Variants in ATAD3B observed in about 807,000 individuals in gnomAD.
ATAD3B encodes ATPase family AAA domain-containing protein 3B.
ATAD3B carries 59 observed loss-of-function variants against 70.2 expected under a neutral mutation model. That is an observed-to-expected ratio of 0.84 (90% CI 0.68 to 1.04). The LOEUF (loss-of-function observed/expected upper bound fraction) is 1.04, where lower values mean the gene tolerates loss of function less well. ATAD3B is among the 50% of genes least tolerant of loss of function. ATAD3B has a pLI of 0.00. For synonymous variants in ATAD3B, 423 were observed against 388.6 expected, an observed-to-expected ratio of 1.09 and a Z score of -1.04; for missense variants, 961 against 913.4, an observed-to-expected ratio of 1.05 and a Z score of -0.67.
intron 12 of ATAD3B, among the ~76,000 whole-genome samples, 193 bp from the exon 13 acceptor site, chr1:1,489,011 C>T (rs911371570): frequency 2.2e-4 from 33 of 151,898 alleles, no homozygotes; most frequent in Non-Finnish European, 1.2e-4. Flanking sequence ...GATCCGCCTG[C>T]CTCAGCCTCC....
chr1:1,502,702 G>A (rs1640971621), downstream of ATAD3B, among the ~76,000 whole-genome samples: 2 of 146,396 alleles, frequency 1.4e-5, no homozygotes, highest in South Asian at 2.2e-4. Flanking sequence ...AGTAGAGACC[G>A]GGTTTCACCA....
At chr1:1,486,956 G>A (rs1382919414) in intron 11 of ATAD3B, among the ~76,000 whole-genome samples, 1 of 151,188 alleles carries the variant, frequency 6.6e-6, no homozygotes, top group Non-Finnish European at 1.5e-5. Context: ...CTGCAGGGGA[G>A]GCTCCTCCAC....
rs375591496 is a variant in ATAD3B, at chr1:1,489,156, T to C, written c.1267-48T>C. 7 of 1,611,774 alleles carry C rather than the reference T, an allele frequency of 4.3e-6. No homozygotes were observed. The African/African-American group carries it at 5.3e-5, about 12-fold the overall frequency. ...TGTGGGACTTTCTGCTCTGGCTGTT[T>C]ACAAGGCTTTGCTTCTGGTGCCTAA... On this transcript the variant is annotated intron_variant, in intron 12 of 15. Transcript: ENST00000673477.
chr1:1,499,394 G>A (rs1463522936), downstream of ATAD3B, among the ~76,000 whole-genome samples: 4 of 142,816 alleles, frequency 2.8e-5, no homozygotes, highest in South Asian at 2.4e-4. Flanking sequence ...GTGCCACCAC[G>A]CCCAGCTACT....
chr1:1,488,362 A>T (rs1640349160), intron 12 of ATAD3B, among the ~76,000 whole-genome samples: 2 of 151,794 alleles, frequency 1.3e-5, no homozygotes, highest in Non-Finnish European at 2.9e-5. Context: ...AGAAGCTGGG[A>T]TTGCAGAGGC....
At chr1:1,475,207 A>G (rs1217690595) in intron 1 of ATAD3B, among the ~76,000 whole-genome samples, 2 of 149,426 alleles carry the variant, frequency 1.3e-5, no homozygotes, top group East Asian at 1.9e-4. Flanking sequence ...CAGGGTCTCC[A>G]GGTGCACCGT....
intron 8 of ATAD3B, 38 bp from the exon 9 acceptor site, chr1:1,485,744 C>A: frequency 6.2e-7 from 1 of 1,611,054 alleles, no homozygotes; most frequent in Non-Finnish European, 8.5e-7. Context: ...GTGGCTGTGG[C>A]AGGTGACCCA....
In ATAD3B at chr1:1,480,953, C is replaced by T. The variant is rs780161416; in HGVS notation, c.514+17C>T. On this transcript the variant is annotated intron_variant, in intron 5 of 15. Coordinates refer to ENST00000673477, the MANE Select transcript of ATAD3B (RefSeq NM_031921.6). ...TGCGGCGAGGTAGGCTGTCTGCTCT[C>T]CTGGCTGGGGCGGAGGTGGCGGGGG... is the stretch of plus-strand genomic sequence containing the variant. 4.4e-6 allele frequency: 7 copies of T among 1,589,408 alleles called. No homozygotes were observed. Among genetic ancestry groups the T allele is most frequent in the Non-Finnish European group, 6.0e-6 (7 of 1,171,182 alleles).
chr1:1,478,765 C>T lies in ATAD3B; in HGVS notation c.384+20C>T, dbSNP rs868413081. ...CAGGCCGTAAGAGCGCAAGAGGCCG[C>T]GAGGGAGGCCGCCCGGCTGCGGGGA... On this transcript the variant is annotated intron_variant, in intron 3 of 15. Coordinates refer to ENST00000673477, the MANE Select transcript of ATAD3B (RefSeq NM_031921.6). 26 of 1,483,226 alleles carry T rather than the reference C, an allele frequency of 1.8e-5. No homozygotes were observed. The highest frequency in any genetic ancestry group is 3.0e-5 in the African/African-American group (2 of 66,462). 91.9% of individuals were successfully genotyped at this position (1,483,226 alleles called of 1,614,324 possible).
chr1:1,509,333 C>T, the ATAD3B span: 62 of 1,611,574 alleles, frequency 3.8e-5, no homozygotes, highest in Admixed American at 1.8e-4. Flanking sequence ...GGCCCGAGGA[C>T]GAGCAACCCT....
intron 7 of ATAD3B, chr1:1,482,859 TG>T: frequency 1.6e-6 from 1 of 607,822 alleles, no homozygotes; most frequent in Non-Finnish European, 3.0e-6. Flanking sequence ...AAACATTAGC[TG>T]GGTGTGATGG....
At chr1:1,485,862 G>C in intron 9 of ATAD3B, 24 bp downstream of exon 9, 1 of 1,612,724 alleles carries the variant, frequency 6.2e-7, no homozygotes, top group Non-Finnish European at 8.5e-7. Context: ...CCTGGGACCG[G>C]GGAGGTGCAG....
chr1:1,472,135 G>A lies in ATAD3B; in HGVS notation c.205+46G>A, dbSNP rs1451803020. On this transcript the variant is annotated intron_variant, in intron 1 of 15. Coordinates refer to ENST00000673477, the MANE Select transcript of ATAD3B (RefSeq NM_031921.6). ...CGGGGCGGGCGGGCGGGCGGGACGG[G>A]CCGGGGAAGCGGGAGCCCTGGCCCT... 3.7e-5 allele frequency: 46 copies of A among 1,230,752 alleles called. No homozygotes were observed. The East Asian group carries it at 2.4e-3, about 65-fold the overall frequency. The allele number at this position is 1,230,752 out of a possible 1,614,324, so 76.2% of individuals were successfully genotyped here.
At position 1,486,144 on chromosome 1, in the gene ATAD3B, T is replaced by C. The variant is rs1640202741; in HGVS notation, c.998T>C (p.Ile333Thr). 8 of 1,613,208 alleles carry C rather than the reference T, an allele frequency of 5.0e-6. No individual in the cohort carries two copies. The highest frequency in any genetic ancestry group is 5.1e-6 in the Non-Finnish European group (6 of 1,179,638). Residue 333 changes from isoleucine to threonine, a missense_variant, in exon 10 of 16, where the codon ATA (isoleucine) becomes ACA (threonine). This residue lies in a region of ATAD3B where 349 missense variants were observed against 307.5 expected (regional missense o/e 1.14). Transcript: ENST00000673477. The part of the protein sequence containing the change: ...SLEARVRDIA[I>T]ATRNTKKNRG... ...GAAGCACGGGTGCGCGACATCGCCA[T>C]AGCAACCAGGAACACCAAGAAGAAC...
the ATAD3B span, among the ~76,000 whole-genome samples, chr1:1,505,474 C>G: frequency 6.6e-6 from 1 of 152,174 alleles, no homozygotes; most frequent in East Asian, 1.9e-4. Context: ...TGACCCTCCA[C>G]AAGAGGTGGA....
At position 1,480,789 on chromosome 1, in the gene ATAD3B, C is replaced by T. The variant is rs577830535; in HGVS notation, c.445-78C>T. The T allele has an allele frequency of 2.7e-5, 42 of 1,582,162 alleles. 5 individuals are homozygous for T. The highest frequency in any genetic ancestry group is 1.4e-4 in the African/African-American group (10 of 71,898). Reference sequence around the variant, plus strand: ...CGCTTGGAGTTCTGTGGTCCTGGGGCGGACGCAACCTCTGGATTGGTGTTG... The same window carrying T: ...CGCTTGGAGTTCTGTGGTCCTGGGGTGGACGCAACCTCTGGATTGGTGTTG... On this transcript the variant is annotated intron_variant, in intron 4 of 15. Coordinates refer to ENST00000673477, the MANE Select transcript of ATAD3B (RefSeq NM_031921.6).
At chr1:1,508,466 G>A in the ATAD3B span, among the ~76,000 whole-genome samples, 14 of 151,400 alleles carry the variant, frequency 9.2e-5, no homozygotes, top group Admixed American at 2.6e-4. Flanking sequence ...TCAGCTGTCC[G>A]GGAAGGGTCC....
chr1:1,482,977 G>A, intron 7 of ATAD3B: 1 of 473,212 alleles, frequency 2.1e-6, no homozygotes, highest in South Asian at 1.5e-5. Flanking sequence ...CTCCATTCTT[G>A]GCGAGAGAAT....
At chr1:1,490,079 G>T in intron 13 of ATAD3B, 178 bp from the exon 14 acceptor site, 1 of 1,420,492 alleles carries the variant, frequency 7.0e-7, no homozygotes, top group Non-Finnish European at 9.2e-7. Context: ...GGGCGTGGTG[G>T]GGCAGGCAGG....
Sources: gnomAD v4.1 joint callset for allele counts (sites outside exome capture counted in the v4.1 genomes callset) on GRCh38, gnomAD v4.1.1 for gene constraint, gnomAD v4.1.1 regional missense constraint, MANE v1.5 for transcripts, NCBI Gene and HGNC (gene_info 2026-07-23, HGNC 2026-07-21) for gene names.